The following AKT3 variants were observed in gnomAD, a reference collection of about 807,000 sequenced individuals.
AKT3 encodes RAC-gamma serine/threonine-protein kinase.
A neutral mutation model predicts 65.3 loss-of-function variants in AKT3; 15 were observed. The observed-to-expected ratio is 0.23, with a 90% confidence interval of 0.15 to 0.35. The LOEUF (loss-of-function observed/expected upper bound fraction) is 0.35. AKT3 is among the 10% of genes least tolerant of loss of function. The probability of loss-of-function intolerance (pLI) is 1.00; values close to 1 mark genes in which losing one functional copy is unlikely to be tolerated. For synonymous variants in AKT3, 206 were observed against 183.8 expected (o/e 1.12, Z -0.98); for missense variants, 243 against 576.5 (o/e 0.42, Z 5.92).
chr1:243,537,475 A>G (rs1672012976), intron 12 of AKT3, among the ~76,000 whole-genome samples: 1 of 152,176 alleles, frequency 6.6e-6, no homozygotes, highest in Non-Finnish European at 1.5e-5. Flanking sequence ...AGACTAAAAT[A>G]GGAGTCCTCA....
intron 11 of AKT3, chr1:243,546,933 A>G (rs911059439): frequency 6.6e-5 from 10 of 152,202 alleles, no homozygotes; most frequent in African/African-American, 1.9e-4. Flanking sequence ...TGAAAGTGAT[A>G]CAATGGAGAC....
In AKT3 at chr1:243,797,194, A is replaced by G. The variant is rs575802458; in HGVS notation, c.46+45931T>C. Among the ~76,000 whole-genome samples the G allele has an allele frequency of 1.8e-4, 27 of 152,278 alleles. No homozygotes were observed. In the South Asian group the frequency reaches 5.4e-3, roughly 30 times the overall value. On this transcript the variant is annotated intron_variant, in intron 2 of 13. Transcript: ENST00000673466. ...TTTAAAAAAAAAAGCAAGATAAAAA[A>G]TAAGAGTTATCTCTTCAAAAGACAC...
At chr1:243,530,104 T>C (rs758103000) in intron 12 of AKT3, among the ~76,000 whole-genome samples, 1 of 152,202 alleles carries the variant, frequency 6.6e-6, no homozygotes, top group African/African-American at 2.4e-5. Context: ...TCAGCTTAGA[T>C]GTTGTTGTTG....
chr1:243,525,763 A>AAAAGAAAGAAAGAAAGAAAGAAAG (rs1156394636), intron 12 of AKT3, among the ~76,000 whole-genome samples: 2 of 28,578 alleles, frequency 7.0e-5, no homozygotes, highest in African/African-American at 3.0e-4. Context: ...GACAACTTCC[A>AAAAGAAAGAAAGAAAGAAAGAAAG]AAAGTAAGAA....
Position 243,643,905 on chromosome 1 carries a change from G to T in AKT3, c.429+1988C>A, listed in dbSNP as rs939711749. Among the ~76,000 whole-genome samples, 3 of 152,242 alleles carry T rather than the reference G, an allele frequency of 2.0e-5. 1 individual carries two copies. Among genetic ancestry groups the T allele is most frequent in the South Asian group, 4.2e-4 (2 of 4,816 alleles). On this transcript the variant is annotated intron_variant, in intron 5 of 13. Transcript: ENST00000673466. ...TGCATGATAATTGATATACATAAGG[G>T]TATAGTTCTAGAATCATTTATCTTA...
chr1:243,516,187 G>T (rs964855446), intron 12 of AKT3, among the ~76,000 whole-genome samples: 3 of 152,182 alleles, frequency 2.0e-5, no homozygotes, highest in African/African-American at 7.2e-5. Context: ...AATTTCTTTA[G>T]CAGGTACAAG....
intron 12 of AKT3, among the ~76,000 whole-genome samples, chr1:243,525,587 T>G (rs978685584): frequency 6.9e-6 from 1 of 145,520 alleles, no homozygotes; most frequent in Non-Finnish European, 1.5e-5. Context: ...AAACCTAAAA[T>G]AAAAAAAAAT....
At chr1:243,840,995 G>A (rs1407662879) in intron 2 of AKT3, among the ~76,000 whole-genome samples, 1 of 152,096 alleles carries the variant, frequency 6.6e-6, no homozygotes, top group Non-Finnish European at 1.5e-5. Context: ...TCTGACAAAG[G>A]AGGTAGAAAA....
intron 9 of AKT3, among the ~76,000 whole-genome samples, chr1:243,570,520 A>C (rs879282938): frequency 3.3e-5 from 5 of 152,200 alleles, no homozygotes; most frequent in African/African-American, 4.8e-5. Flanking sequence ...AAGAACATTC[A>C]ATAAGGAGCT....
intron 4 of AKT3, among the ~76,000 whole-genome samples, chr1:243,646,459 A>C (rs1680825832): frequency 6.6e-6 from 1 of 151,878 alleles, no homozygotes; most frequent in Non-Finnish European, 1.5e-5. Context: ...GGTTCAAGTG[A>C]TTCTCCTGTC....
chr1:243,832,295 A>G (rs991048132), intron 2 of AKT3, among the ~76,000 whole-genome samples: 1 of 152,090 alleles, frequency 6.6e-6, no homozygotes, highest in Non-Finnish European at 1.5e-5. Context: ...AACTTGTAGT[A>G]CTCATAATTT....
At chr1:243,516,605 T>A (rs1394003807) in intron 12 of AKT3, among the ~76,000 whole-genome samples, 2 of 152,174 alleles carry the variant, frequency 1.3e-5, no homozygotes, top group East Asian at 3.8e-4. Flanking sequence ...CAGGCTAGAG[T>A]GCAGGGATGT....
intron 2 of AKT3, among the ~76,000 whole-genome samples, chr1:243,724,168 G>A (rs553625828): frequency 1.8e-4 from 28 of 151,432 alleles, no homozygotes; most frequent in African/African-American, 6.3e-4. Context: ...TGTCATCCCT[G>A]CAGTCCTCAA....
intron 8 of AKT3, among the ~76,000 whole-genome samples, chr1:243,600,358 TAAAAAGAA>T (rs1388369581): frequency 6.6e-6 from 1 of 152,054 alleles, no homozygotes; most frequent in Admixed American, 6.6e-5. Context: ...AAACCAAATT[TAAAAAGAA>T]TATCAAAATT....
At chr1:243,580,763 T>C (rs1353616278) in intron 8 of AKT3, among the ~76,000 whole-genome samples, 2 of 152,176 alleles carry the variant, frequency 1.3e-5, no homozygotes, top group African/African-American at 4.8e-5. Flanking sequence ...CTCCTGAGAT[T>C]GTGGTGCAGT....
chr1:243,606,920 C>T (rs1677472034), intron 8 of AKT3, among the ~76,000 whole-genome samples: 1 of 152,258 alleles, frequency 6.6e-6, no homozygotes, highest in Admixed American at 6.5e-5. Flanking sequence ...CAATGTACAG[C>T]TCAGGCCATT....
chr1:243,840,502 T>G (rs1695175856), intron 2 of AKT3, among the ~76,000 whole-genome samples: 1 of 152,160 alleles, frequency 6.6e-6, no homozygotes, highest in Non-Finnish European at 1.5e-5. Flanking sequence ...ATCCCAGAAC[T>G]TAAAGTAAAA....
chr1:243,574,909 T>C (rs1270823976), intron 8 of AKT3, among the ~76,000 whole-genome samples: 1 of 152,158 alleles, frequency 6.6e-6, no homozygotes, highest in Admixed American at 6.5e-5. Flanking sequence ...ACAAAAAATA[T>C]GGATCCTCCC....
At chr1:243,813,083 C>T (rs965289898) in intron 2 of AKT3, among the ~76,000 whole-genome samples, 10 of 151,094 alleles carry the variant, frequency 6.6e-5, no homozygotes, top group Non-Finnish European at 1.2e-4. Flanking sequence ...ATGTAAATGA[C>T]GAGTTAATGG....
Sources: allele counts gnomAD v4.1 joint callset (sites outside exome capture counted in the v4.1 genomes callset), GRCh38; gene constraint gnomAD v4.1.1; transcripts MANE v1.5; gene names NCBI Gene and HGNC (gene_info 2026-07-23, HGNC 2026-07-21).